The following ZNF75D variants were observed in gnomAD, a reference collection of about 807,000 sequenced individuals.
The protein encoded by ZNF75D is zinc finger protein 75D.
Under a neutral mutation model 33.3 loss-of-function variants are expected in ZNF75D, and 33 were observed. The ratio of observed to expected loss-of-function variants is 0.99; its 90% CI spans 0.75 to 1.32. ZNF75D has a LOEUF of 1.32. ZNF75D is among the 40% of genes most tolerant of loss of function. ZNF75D has a pLI of 0.00. For synonymous variants in ZNF75D, 113 were observed against 130.6 expected (o/e 0.87, Z 0.92); for missense variants, 338 against 367.5 (o/e 0.92, Z 0.66).
chrX:135,270,791 G>A (rs1402251474), intron 1 of ZNF75D, among the ~76,000 whole-genome samples: 2 of 111,361 alleles, frequency 1.8e-5, no homozygotes, highest in Non-Finnish European at 3.8e-5. Context: ...TCCCACTCTT[G>A]TTACCCAAAG....
At chrX:135,259,586 G>A (rs1405184667) in intron 1 of ZNF75D, among the ~76,000 whole-genome samples, 1 of 111,106 alleles carries the variant, frequency 9.0e-6, no homozygotes, top group Non-Finnish European at 1.9e-5. Flanking sequence ...TCATGATTTG[G>A]CTCTCTGTTT....
chrX:135,306,296 C>T (rs1015644049), intron 1 of ZNF75D, among the ~76,000 whole-genome samples: 2 of 75,882 alleles, frequency 2.6e-5, no homozygotes, highest in Admixed American at 3.7e-4. Context: ...CATACACACA[C>T]ACACACACAC....
intron 6 of ZNF75D, among the ~76,000 whole-genome samples, chrX:135,289,228 A>G (rs184926698): frequency 2.7e-5 from 3 of 113,008 alleles, no homozygotes; most frequent in African/African-American, 6.4e-5. Context: ...GAGGCAGCCC[A>G]TGCTGCCCTA....
At chrX:135,267,715 A>C (rs1488725884) in intron 1 of ZNF75D, among the ~76,000 whole-genome samples, 2 of 110,335 alleles carry the variant, frequency 1.8e-5, no homozygotes, top group Admixed American at 1.9e-4. Context: ...CTTCTACTCA[A>C]AACTGTTCTG....
At chrX:135,270,162 T>C (rs2083877165) in intron 1 of ZNF75D, among the ~76,000 whole-genome samples, 1 of 108,502 alleles carries the variant, frequency 9.2e-6, no homozygotes. Context: ...AATAGAAAGC[T>C]AAATAAGACC....
At chrX:135,325,878 C>A (rs1354270665) in intron 1 of ZNF75D, among the ~76,000 whole-genome samples, 2 of 112,804 alleles carry the variant, frequency 1.8e-5, no homozygotes, top group Non-Finnish European at 3.8e-5. Context: ...CCACCTGCAG[C>A]CCCGGTGCAG....
chrX:135,312,172 T>C (rs1197251767), intron 1 of ZNF75D, among the ~76,000 whole-genome samples: 1 of 111,675 alleles, frequency 9.0e-6, no homozygotes, highest in East Asian at 2.8e-4. Context: ...TCCCAGACTC[T>C]GGTATCTATT....
At chrX:135,327,574 G>GC (rs1167749901) in intron 1 of ZNF75D, among the ~76,000 whole-genome samples, 8 of 111,778 alleles carry the variant, frequency 7.2e-5, no homozygotes, top group African/African-American at 2.6e-4. Context: ...GGAGGTGCTG[G>GC]CAGAGGGGGT....
intron 1 of ZNF75D, among the ~76,000 whole-genome samples, chrX:135,266,574 A>G (rs2083863766): frequency 8.9e-6 from 1 of 112,110 alleles, no homozygotes; most frequent in Admixed American, 9.5e-5. Context: ...CAGCAAGAGC[A>G]TATAAGGATT....
At chrX:135,306,476 G>A (rs944992394) in intron 1 of ZNF75D, among the ~76,000 whole-genome samples, 2 of 111,932 alleles carry the variant, frequency 1.8e-5, no homozygotes, top group South Asian at 7.4e-4. Flanking sequence ...TGTTTCATTT[G>A]CTAATACTAC....
intron 1 of ZNF75D, among the ~76,000 whole-genome samples, chrX:135,258,546 T>G (rs782279557): frequency 1.8e-5 from 2 of 111,934 alleles, no homozygotes; most frequent in South Asian, 7.5e-4. Flanking sequence ...TGATGACCAA[T>G]GATGAGGAGC....
At chrX:135,279,354 T>C (rs1466720202) in intron 1 of ZNF75D, among the ~76,000 whole-genome samples, 1 of 111,967 alleles carries the variant, frequency 8.9e-6, no homozygotes, top group Non-Finnish European at 1.9e-5. Context: ...TCATTTTTTA[T>C]TGTGTCTATT....
At chrX:135,313,129 G>C (rs2084380284) in intron 1 of ZNF75D, among the ~76,000 whole-genome samples, 1 of 110,841 alleles carries the variant, frequency 9.0e-6, no homozygotes. Context: ...TAATAGTTTT[G>C]GGTCTTAAGT....
intron 6 of ZNF75D, among the ~76,000 whole-genome samples, chrX:135,289,147 C>T (rs782289271): frequency 2.7e-5 from 3 of 112,494 alleles, no homozygotes; most frequent in Admixed American, 9.4e-5. Context: ...GTGCTATAGC[C>T]GTTTTCCTTT....
At chrX:135,320,525 T>A in intron 1 of ZNF75D, among the ~76,000 whole-genome samples, 1 of 111,694 alleles carries the variant, frequency 9.0e-6, no homozygotes, top group Non-Finnish European at 1.9e-5. Context: ...CTTATCTGGT[T>A]GTCTGGTTAC....
intron 2 of ZNF75D, among the ~76,000 whole-genome samples, chrX:135,295,416 C>T (rs2084111475): frequency 8.9e-6 from 1 of 112,258 alleles, no homozygotes; most frequent in Non-Finnish European, 1.9e-5. Flanking sequence ...ACTTATAGAT[C>T]AACCACAGGG....
chrX:135,324,071 G>C (rs2084531439), intron 1 of ZNF75D, among the ~76,000 whole-genome samples: 1 of 110,672 alleles, frequency 9.0e-6, no homozygotes. Flanking sequence ...CACATACCGA[G>C]GCTTTCTGGG....
intron 1 of ZNF75D, among the ~76,000 whole-genome samples, chrX:135,257,962 GC>G (rs60184278): frequency 0.043 from 4,614 of 108,158 alleles, 78 homozygotes; most frequent in Middle Eastern, 0.061. Context: ...TCCTCCCGGA[GC>G]CCCCCCACCA....
chrX:135,249,100 T>C (rs1169700069), exon 4 of ZNF75D: 1 of 324,088 alleles, frequency 3.1e-6, no homozygotes. Context: ...CTCTGTCAGA[T>C]CCGCATCGTT....
Sources: gnomAD v4.1 joint callset for allele counts (sites outside exome capture counted in the v4.1 genomes callset) on GRCh38, gnomAD v4.1.1 for gene constraint, MANE v1.5 for transcripts, NCBI Gene and HGNC (gene_info 2026-07-23, HGNC 2026-07-21) for gene names.